VPS50: variants seen among roughly 807,000 people sequenced by gnomAD.
The protein encoded by VPS50 is syndetin.
A neutral mutation model predicts 139.7 loss-of-function variants in VPS50; 70 were observed. The observed-to-expected ratio is 0.50, with a 90% CI of 0.41 to 0.61. VPS50 has a LOEUF of 0.61. Ranked by LOEUF, VPS50 falls within the 20% of genes least tolerant of loss-of-function variation. The pLI is 0.00. For synonymous variants in VPS50, 365 were observed against 376.7 expected, an observed-to-expected ratio of 0.97 and a Z score of 0.36; for missense variants, 921 against 1,133.7, an observed-to-expected ratio of 0.81 and a Z score of 2.69.
chr7:93,308,918 A>C lies in VPS50; in HGVS notation c.1724A>C (p.Gln575Pro). ...CTCAAACGAGACTATGTGGATGAGC[A>C]GACAGGAGATGGTCCTGTGAAAAGG... ...EELKRDYVDE[Q>P]TGDGPVKSVS... The change falls in exon 19 of 28, where the codon CAG becomes CCG. Residue 575 changes from glutamine (Q) to proline (P), a missense_variant. Around this residue, in one of 3 missense-constraint regions of VPS50, gnomAD observed 744 missense variants for 930.6 expected, o/e 0.80. Transcript: ENST00000305866. 6.3e-7 allele frequency: 1 copy of C among 1,591,538 alleles called. No individual in the cohort carries two copies. Among genetic ancestry groups the C allele is most frequent in the Non-Finnish European group, 8.6e-7 (1 of 1,160,222 alleles).
At chr7:93,339,981 A>AG (rs1306638086) in intron 22 of VPS50, among the ~76,000 whole-genome samples, 1 of 152,192 alleles carries the variant, frequency 6.6e-6, no homozygotes, top group Non-Finnish European at 1.5e-5. Flanking sequence ...AAAACTCTAT[A>AG]GTTAAACTAA....
intron 1 of VPS50, among the ~76,000 whole-genome samples, chr7:93,237,576 G>C (rs532971123): frequency 6.6e-6 from 1 of 152,256 alleles, no homozygotes; most frequent in South Asian, 2.1e-4. Flanking sequence ...ACTAGCTCTG[G>C]GGAAAGAGAA....
intron 12 of VPS50, among the ~76,000 whole-genome samples, chr7:93,285,002 C>T (rs1796441324): frequency 6.6e-6 from 1 of 152,164 alleles, no homozygotes; most frequent in African/African-American, 2.4e-5. Flanking sequence ...CAGAGTTACC[C>T]CCAAAGATGT....
At chr7:93,262,429 A>C (rs1562857253) in intron 9 of VPS50, among the ~76,000 whole-genome samples, 1 of 152,324 alleles carries the variant, frequency 6.6e-6, no homozygotes, top group African/African-American at 2.4e-5. Context: ...TTATCGAATG[A>C]GGTTAAAAGG....
Position 93,311,232 on chromosome 7 carries a change from T to C in VPS50, c.1815T>C (p.Pro605=), listed in dbSNP as rs772997598. The part of the protein sequence containing the change: ...SDYSLNKVNA[P]ILTNTTLNVI... ...ACAGTCTAAATAAAGTGAATGCACC[T>C]ATCTTAACAAATACAACATTGAACG... The change falls in exon 20 of 28, where the codon CCT becomes CCC. Residue 605 remains proline (P), a synonymous_variant. Transcript: ENST00000305866. The C allele has an allele frequency of 5.7e-6, 8 of 1,409,914 alleles. No individual in the cohort carries two copies. The East Asian group carries it at 1.8e-4, about 32-fold the overall frequency. The allele number at this position is 1,409,914 out of a possible 1,614,324, so 87.3% of individuals were successfully genotyped here.
At chr7:93,317,436 G>C (rs989235597) in intron 20 of VPS50, among the ~76,000 whole-genome samples, 1 of 152,156 alleles carries the variant, frequency 6.6e-6, no homozygotes, top group African/African-American at 2.4e-5. Flanking sequence ...TGTAATCCCA[G>C]CTACTTGGGA....
At chr7:93,354,100 A>G (rs1204570941) in intron 26 of VPS50, among the ~76,000 whole-genome samples, 1 of 152,166 alleles carries the variant, frequency 6.6e-6, no homozygotes, top group African/African-American at 2.4e-5. Flanking sequence ...TGTGTTATTT[A>G]CCAAACCAAA....
chr7:93,296,993 G>A, intron 15 of VPS50, 152 bp from the exon 16 acceptor site: 5 of 1,439,510 alleles, frequency 3.5e-6, no homozygotes, highest in Non-Finnish European at 4.5e-6. Context: ...CCCTTTGGGT[G>A]TTTGTAAACC....
chr7:93,348,688 A>C (rs1391968694), intron 23 of VPS50, 23 bp from the exon 24 acceptor site: 1 of 1,455,204 alleles, frequency 6.9e-7, no homozygotes, highest in East Asian at 2.3e-5. Flanking sequence ...TTGTTTACAC[A>C]GTGGGTTATT....
Position 93,256,572 on chromosome 7 carries a change from T to C in VPS50, c.351+10T>C. 2 of 1,415,194 alleles carry C rather than the reference T, an allele frequency of 1.4e-6. No homozygotes were observed. Among genetic ancestry groups the C allele is most frequent in the Non-Finnish European group, 1.9e-6 (2 of 1,042,278 alleles). The allele number at this position is 1,415,194 out of a possible 1,614,324, so 87.7% of individuals were successfully genotyped here. A position where few individuals can be genotyped will look rare whatever the true frequency, so the allele number is the denominator to read the frequency against. On this transcript the variant is annotated intron_variant, in intron 5 of 27. Coordinates refer to ENST00000305866, the MANE Select transcript of VPS50 (RefSeq NM_017667.4). ...GCCTGCTTATGTAAAGGTAGGATAA[T>C]ATTTGTTATTTTTTGTAGTAGAATT...
chr7:93,309,652 A>C (rs1797209565), intron 19 of VPS50, among the ~76,000 whole-genome samples: 1 of 151,846 alleles, frequency 6.6e-6, no homozygotes, highest in Non-Finnish European at 1.5e-5. Flanking sequence ...CACTATTTGA[A>C]CCTTCTATCA....
chr7:93,291,234 C>T (rs1012241543), intron 12 of VPS50, among the ~76,000 whole-genome samples: 4 of 151,896 alleles, frequency 2.6e-5, no homozygotes, highest in African/African-American at 4.8e-5. Flanking sequence ...CTATTCCATA[C>T]GATTTTAAAA....
At chr7:93,247,626 G>T (rs964019998) in intron 2 of VPS50, among the ~76,000 whole-genome samples, 1 of 151,790 alleles carries the variant, frequency 6.6e-6, no homozygotes, top group Non-Finnish European at 1.5e-5. Flanking sequence ...CATTGTCATT[G>T]CTTACTTATT....
chr7:93,301,545 T>G (rs2116963576), intron 16 of VPS50, among the ~76,000 whole-genome samples: 1 of 152,298 alleles, frequency 6.6e-6, no homozygotes, highest in Admixed American at 6.5e-5. Flanking sequence ...CTTTTATCAC[T>G]GTATTAGTTT....
chr7:93,237,439 A>T (rs1461684208), intron 1 of VPS50, among the ~76,000 whole-genome samples: 2 of 152,102 alleles, frequency 1.3e-5, no homozygotes, highest in Non-Finnish European at 2.9e-5. Context: ...TTCAATTTGT[A>T]TTACTTTTAT....
Position 93,333,941 on chromosome 7 carries a change from G to A in VPS50, c.1978-176G>A. 3 of 550,144 alleles carry A rather than the reference G, an allele frequency of 5.5e-6. No homozygotes were observed. The South Asian group carries it at 6.5e-5, about 12-fold the overall frequency. 34.1% of individuals were successfully genotyped at this position (550,144 alleles called of 1,614,324 possible). On this transcript the variant is annotated intron_variant, in intron 21 of 27. Coordinates refer to ENST00000305866, the MANE Select transcript of VPS50 (RefSeq NM_017667.4). ...ATGCACACAGGTAAATGTTTCTTTG[G>A]TTCCCTTGAGATTTGACTCCTTTGT...
In VPS50 at chr7:93,253,816, A is replaced by C. The variant is rs1157592545; in HGVS notation, c.226-44A>C. On this transcript the variant is annotated intron_variant, in intron 3 of 27. Transcript: ENST00000305866. ...GGTCCAGGTAAATGAAACCAAATTA[A>C]ACAATTTATTTTTTCCTCTTCTTTC... is the stretch of plus-strand genomic sequence containing the variant. 6 of 1,144,050 alleles carry C rather than the reference A, an allele frequency of 5.2e-6. No individual in the cohort carries two copies. The Admixed American group carries it at 1.1e-4, about 21-fold the overall frequency. 70.9% of individuals were successfully genotyped at this position (1,144,050 alleles called of 1,614,324 possible).
At chr7:93,259,492 C>G in intron 8 of VPS50, 58 bp from the exon 9 acceptor site, 2 of 856,114 alleles carry the variant, frequency 2.3e-6, no homozygotes, top group Non-Finnish European at 1.9e-6. Context: ...TTTTTTTTAT[C>G]AGGGGCTTTA....
intron 22 of VPS50, among the ~76,000 whole-genome samples, chr7:93,339,580 T>C (rs1798157855): frequency 6.6e-6 from 1 of 152,092 alleles, no homozygotes; most frequent in Admixed American, 6.6e-5. Flanking sequence ...TCTTTGAGGG[T>C]TTTTTAAAGC....
Sources: gnomAD v4.1 joint callset for allele counts (sites outside exome capture counted in the v4.1 genomes callset) on GRCh38, gnomAD v4.1.1 for gene constraint, gnomAD v4.1.1 regional missense constraint, MANE v1.5 for transcripts, NCBI Gene and HGNC (gene_info 2026-07-23, HGNC 2026-07-21) for gene names.